The following DNAH9 variants were observed in gnomAD, a reference collection of about 807,000 sequenced individuals.
DNAH9 encodes dynein axonemal heavy chain 9, also known as DNAH9 variant protein.
DNAH9 carries 345 observed loss-of-function variants against 471.6 expected under a neutral mutation model. The observed-to-expected ratio is 0.73, with a 90% CI of 0.67 to 0.80. DNAH9 has a LOEUF of 0.80. Ranked by LOEUF, DNAH9 falls within the 30% of genes least tolerant of loss-of-function variation. The pLI, the probability that DNAH9 is intolerant of heterozygous loss-of-function variation, is 0.00. For synonymous variants in DNAH9, 2,093 were observed against 2,123.6 expected, an observed-to-expected ratio of 0.99 and a Z score of 0.40; for missense variants, 5,407 against 5,609.2, an observed-to-expected ratio of 0.96 and a Z score of 1.15.
intron 1 of DNAH9, among the ~76,000 whole-genome samples, chr17:11,604,660 G>T (rs550080423): frequency 2.8e-4 from 42 of 152,010 alleles, no homozygotes; most frequent in African/African-American, 7.0e-4. Flanking sequence ...CATTCTTCCC[G>T]TTGTTCAAGC....
chr17:11,917,516 T>C (rs1440523905), intron 61 of DNAH9, among the ~76,000 whole-genome samples: 1 of 152,154 alleles, frequency 6.6e-6, no homozygotes, highest in African/African-American at 2.4e-5. Context: ...CTTCTTGCCT[T>C]CTCTGATCAA....
chr17:11,869,298 G>A, intron 51 of DNAH9, 45 bp downstream of exon 51: 1 of 1,605,086 alleles, frequency 6.2e-7, no homozygotes, highest in Non-Finnish European at 8.5e-7. Flanking sequence ...ATATTAGCAG[G>A]CTTGTCAAAT....
chr17:11,818,436 AAAAAAAG>A (rs1176639521), intron 45 of DNAH9, among the ~76,000 whole-genome samples: 3 of 152,000 alleles, frequency 2.0e-5, no homozygotes, highest in African/African-American at 7.3e-5. Flanking sequence ...TTTAAAAAAA[AAAAAAAG>A]AAGAGAAAAG....
In DNAH9 at chr17:11,720,387, A is replaced by G. The variant is rs1042433534; in HGVS notation, c.5709+897A>G. Among the ~76,000 whole-genome samples, 18 of 152,148 alleles carry G rather than the reference A, an allele frequency of 1.2e-4. No homozygotes were observed. The South Asian group carries it at 2.1e-3, about 18-fold the overall frequency. On this transcript the variant is annotated intron_variant, in intron 27 of 68. Transcript: ENST00000262442. ...TATATTAGTTGTATCTCCTAATGCT[A>G]TCCCTCCCCGCTTCCCCCACCCCAC... is the stretch of plus-strand genomic sequence containing the variant.
intron 61 of DNAH9, 149 bp from the exon 62 acceptor site, chr17:11,923,665 A>G (rs1183003797): frequency 2.3e-6 from 2 of 875,784 alleles, no homozygotes; most frequent in East Asian, 3.0e-5. Flanking sequence ...CCCCCTGTGA[A>G]GGAAAAGGGT....
At chr17:11,698,877 C>A (rs1031660509) in intron 22 of DNAH9, among the ~76,000 whole-genome samples, 1 of 152,064 alleles carries the variant, frequency 6.6e-6, no homozygotes, top group Non-Finnish European at 1.5e-5. Flanking sequence ...CACAGCCAGA[C>A]TTTATGCTTG....
chr17:11,679,534 A>C (rs1324999665), intron 17 of DNAH9, among the ~76,000 whole-genome samples: 1 of 152,220 alleles, frequency 6.6e-6, no homozygotes, highest in Non-Finnish European at 1.5e-5. Flanking sequence ...AGTCTCCTTC[A>C]TCACAAGATA....
At chr17:11,824,960 G>C (rs1970439541) in intron 48 of DNAH9, among the ~76,000 whole-genome samples, 1 of 149,120 alleles carries the variant, frequency 6.7e-6, no homozygotes, top group Non-Finnish European at 1.5e-5. Context: ...TCCATTCTTT[G>C]CTCTGTGGTT....
intron 50 of DNAH9, among the ~76,000 whole-genome samples, chr17:11,866,327 C>A (rs930237644): frequency 6.6e-6 from 1 of 152,242 alleles, no homozygotes; most frequent in African/African-American, 2.4e-5. Flanking sequence ...GTCTGCAGAA[C>A]AGTGGTTTTT....
chr17:11,738,796 G>A (rs2075391569), intron 28 of DNAH9, 84 bp from the exon 29 acceptor site: 4 of 1,216,162 alleles, frequency 3.3e-6, no homozygotes, highest in Middle Eastern at 2.7e-4. Context: ...CGTGCTGTGT[G>A]TGACTACAGG....
chr17:11,844,180 C>CAAAG lies in DNAH9; in HGVS notation c.9507+9285_9507+9288dup, dbSNP rs149843617. Among the ~76,000 whole-genome samples, 1,204 of 151,764 alleles carry CAAAG rather than the reference C, an allele frequency of 7.9e-3. 17 individuals are homozygous for CAAAG. Among genetic ancestry groups the CAAAG allele is most frequent in the African/African-American group, 0.028 (1,152 of 41,420 alleles). On this transcript the variant is annotated intron_variant, in intron 49 of 68. Coordinates refer to ENST00000262442, the MANE Select transcript of DNAH9 (RefSeq NM_001372.4). ...TGAAAGGTCTTTCTAAATGCAGAAACAAAGAACTATATTTAGAAAAGGACT... is the reference window on the plus strand; with the variant it reads ...TGAAAGGTCTTTCTAAATGCAGAAACAAAGAAAGAACTATATTTAGAAAAGGACT...
At chr17:11,740,248 T>C (rs772669212) in intron 29 of DNAH9, among the ~76,000 whole-genome samples, 2 of 152,232 alleles carry the variant, frequency 1.3e-5, no homozygotes, top group Non-Finnish European at 1.5e-5. Context: ...CTTTCTTACC[T>C]TTTTTTCTTG....
chr17:11,921,844 T>A (rs1173360692), intron 61 of DNAH9, among the ~76,000 whole-genome samples: 1 of 152,210 alleles, frequency 6.6e-6, no homozygotes, highest in African/African-American at 2.4e-5. Flanking sequence ...TGCTAAACTT[T>A]GCCCGTGATG....
chr17:11,651,024 C>G, intron 12 of DNAH9, 45 bp from the exon 13 acceptor site: 5 of 1,590,506 alleles, frequency 3.1e-6, no homozygotes, highest in Non-Finnish European at 4.3e-6. Context: ...GCAGATTATT[C>G]ATTATCACTG....
chr17:11,699,553 C>G (rs76631889), intron 22 of DNAH9, among the ~76,000 whole-genome samples, 178 bp from the exon 23 acceptor site: 1 of 152,206 alleles, frequency 6.6e-6, no homozygotes, highest in African/African-American at 2.4e-5. Flanking sequence ...GCCACTTCTA[C>G]GGATTCATTT....
chr17:11,653,392 G>A (rs1019251918), intron 14 of DNAH9, among the ~76,000 whole-genome samples: 5 of 152,128 alleles, frequency 3.3e-5, no homozygotes, highest in Admixed American at 6.5e-5. Context: ...ACCCGGCTCC[G>A]TAGAGCCTAA....
chr17:11,606,802 A>G (rs566800535), intron 1 of DNAH9, among the ~76,000 whole-genome samples: 6 of 152,130 alleles, frequency 3.9e-5, no homozygotes, highest in Non-Finnish European at 7.4e-5. Context: ...CAAAGTTACC[A>G]AGACTTGGTC....
chr17:11,669,918 T>A, intron 17 of DNAH9, 124 bp downstream of exon 17: 3 of 836,958 alleles, frequency 3.6e-6, no homozygotes, highest in Non-Finnish European at 5.6e-6. Context: ...GACAGCTGGT[T>A]AGAGGTTCTA....
chr17:11,714,197 A>G (rs1377341516), intron 26 of DNAH9, among the ~76,000 whole-genome samples: 2 of 152,208 alleles, frequency 1.3e-5, no homozygotes, highest in African/African-American at 2.4e-5. Context: ...CTTGAAACCT[A>G]TTGAAAGCTC....
Sources: allele counts gnomAD v4.1 joint callset (sites outside exome capture counted in the v4.1 genomes callset), GRCh38; gene constraint gnomAD v4.1.1; transcripts MANE v1.5; gene names NCBI Gene and HGNC (gene_info 2026-07-23, HGNC 2026-07-21).